The following ELMO1 variants were observed in gnomAD, a reference collection of about 807,000 sequenced individuals.
ELMO1 encodes engulfment and cell motility 1.
A neutral mutation model predicts 98.9 loss-of-function variants in ELMO1; 26 were observed. That is an observed-to-expected ratio of 0.26 (90% CI 0.19 to 0.36). ELMO1 has a LOEUF of 0.36. Among genes scored for constraint, ELMO1 ranks in the 10% least tolerant of loss-of-function variants. The pLI is 1.00. For synonymous variants in ELMO1, 346 were observed against 346.0 expected, an observed-to-expected ratio of 1.00 and a Z score of 0.00; for missense variants, 627 against 935.2, an observed-to-expected ratio of 0.67 and a Z score of 4.30.
intron 15 of ELMO1, among the ~76,000 whole-genome samples, chr7:37,078,576 C>T (rs1797705163): frequency 6.6e-6 from 1 of 152,160 alleles, no homozygotes; most frequent in Non-Finnish European, 1.5e-5. Context: ...AGTGCAAATG[C>T]TTCAGCCTTT....
At chr7:37,392,606 A>G (rs1327435597) in intron 1 of ELMO1, among the ~76,000 whole-genome samples, 1 of 152,178 alleles carries the variant, frequency 6.6e-6, no homozygotes, top group East Asian at 1.9e-4. Context: ...ATCTGCTGCC[A>G]GGTGTGAGGC....
At chr7:37,261,573 A>G (rs1795976902) in intron 5 of ELMO1, among the ~76,000 whole-genome samples, 1 of 152,066 alleles carries the variant, frequency 6.6e-6, no homozygotes, top group Non-Finnish European at 1.5e-5. Flanking sequence ...TCTCTCCGTG[A>G]TGATAGAATG....
intron 1 of ELMO1, among the ~76,000 whole-genome samples, chr7:37,418,524 G>A (rs1309277937): frequency 6.6e-6 from 1 of 152,178 alleles, no homozygotes; most frequent in African/African-American, 2.4e-5. Context: ...AACTGGATCT[G>A]CCCAGGCCCC....
intron 16 of ELMO1, among the ~76,000 whole-genome samples, chr7:36,999,056 T>C (rs886661693): frequency 3.3e-5 from 5 of 151,662 alleles, no homozygotes; most frequent in Non-Finnish European, 7.4e-5. Context: ...CCAGAGCAGG[T>C]GAGAGGGGAT....
At chr7:37,047,501 C>G (rs1795862957) in intron 15 of ELMO1, among the ~76,000 whole-genome samples, 1 of 152,244 alleles carries the variant, frequency 6.6e-6, no homozygotes, top group Non-Finnish European at 1.5e-5. Context: ...GCAGGTTCAG[C>G]TACTCCAGCG....
chr7:36,991,125 G>A (rs1357285161), intron 16 of ELMO1, among the ~76,000 whole-genome samples: 1 of 152,128 alleles, frequency 6.6e-6, no homozygotes, highest in Non-Finnish European at 1.5e-5. Context: ...AGTTTTGTTT[G>A]ATTAATTCAT....
At chr7:37,163,337 C>G (rs1211520645) in intron 13 of ELMO1, among the ~76,000 whole-genome samples, 1 of 7,036 alleles carries the variant, frequency 1.4e-4, no homozygotes, top group Admixed American at 3.2e-3. Context: ...AGCCAGTGTT[C>G]TTTTTTTTTT....
Position 36,894,841 on chromosome 7 carries a change from C to G in ELMO1, c.1601+13G>C, listed in dbSNP as rs1172557534. 6.2e-7 allele frequency: 1 copy of G among 1,613,906 alleles called. No individual in the cohort carries two copies. Among genetic ancestry groups the G allele is most frequent in the Non-Finnish European group, 8.5e-7 (1 of 1,179,958 alleles). ...GTCTTTTGGGAGATAGAAGTCAATA[C>G]TAGGTAACTTACAAAATCGGGCGGG... On this transcript the variant is annotated intron_variant, in intron 17 of 21. Coordinates refer to ENST00000310758, the MANE Select transcript of ELMO1 (RefSeq NM_014800.11).
Position 36,853,319 on chromosome 7 carries a change from CCCAA to C in ELMO1, c.*2228_*2231del. ...CCAGAAGAGAGAGGGGCTGGATCTC[CCCAA>C]CCAAGGTCACAGGACAGATACATTT... On this transcript the variant is annotated 3_prime_UTR_variant, in exon 22 of 22. Transcript: ENST00000310758. Among the ~76,000 whole-genome samples the C allele has an allele frequency of 6.6e-6, 1 of 152,242 alleles. No homozygotes were observed. Among genetic ancestry groups the C allele is most frequent in the East Asian group, 1.9e-4 (1 of 5,184 alleles).
At chr7:37,145,148 T>C (rs1787900347) in intron 13 of ELMO1, among the ~76,000 whole-genome samples, 2 of 152,242 alleles carry the variant, frequency 1.3e-5, no homozygotes, top group African/African-American at 4.8e-5. Context: ...AGGCCTGGGG[T>C]GAGGCCAAAG....
At position 37,376,286 on chromosome 7, in the gene ELMO1, C is replaced by T. The variant is rs533696986; in HGVS notation, c.-73-33523G>A. The stretch of plus-strand genomic sequence containing the variant: ...TGACATACCTGACTCCATCTTGCTT[C>T]GAACAGCCCTTCCTCATTCCTGGGC... On this transcript the variant is annotated intron_variant, in intron 1 of 21. Coordinates refer to ENST00000310758, the MANE Select transcript of ELMO1 (RefSeq NM_014800.11). Among the ~76,000 whole-genome samples, 15 of 152,248 alleles carry T rather than the reference C, an allele frequency of 9.9e-5. 1 individual carries two copies. The highest frequency in any genetic ancestry group is 2.9e-4 in the African/African-American group (12 of 41,540).
At chr7:37,207,840 AAAAC>A (rs542104398) in intron 13 of ELMO1, among the ~76,000 whole-genome samples, 15 of 152,130 alleles carry the variant, frequency 9.9e-5, no homozygotes, top group Middle Eastern at 3.2e-3. Flanking sequence ...AACTCTACCA[AAAAC>A]AAACAAACAA....
intron 15 of ELMO1, among the ~76,000 whole-genome samples, chr7:37,037,905 T>C (rs867613221): frequency 6.6e-6 from 1 of 152,138 alleles, no homozygotes; most frequent in Admixed American, 6.6e-5. Context: ...ATGGAAGTTA[T>C]GGAAAAGGTA....
intron 14 of ELMO1, among the ~76,000 whole-genome samples, chr7:37,100,591 T>C (rs1784586589): frequency 6.6e-6 from 1 of 152,238 alleles, no homozygotes; most frequent in African/African-American, 2.4e-5. Flanking sequence ...GCTCTCTCTT[T>C]TGGGGGAGAG....
chr7:37,182,636 T>C (rs1361842125), intron 13 of ELMO1, among the ~76,000 whole-genome samples: 1 of 151,724 alleles, frequency 6.6e-6, no homozygotes, highest in African/African-American at 2.4e-5. Flanking sequence ...TTTGCATTCC[T>C]GAGTTCTCTT....
intron 16 of ELMO1, among the ~76,000 whole-genome samples, chr7:36,993,662 T>C (rs142808951): frequency 1.3e-5 from 2 of 152,356 alleles, no homozygotes; most frequent in African/African-American, 2.4e-5. Flanking sequence ...AATTTTATTT[T>C]ATTGTCCAGT....
At chr7:37,331,062 C>T (rs1284900822) in intron 2 of ELMO1, among the ~76,000 whole-genome samples, 4 of 92,512 alleles carry the variant, frequency 4.3e-5, no homozygotes, top group African/African-American at 1.7e-4. Flanking sequence ...CTGAACAGTG[C>T]ACAATTTAAA....
At chr7:37,206,922 A>G (rs1792660889) in intron 13 of ELMO1, among the ~76,000 whole-genome samples, 1 of 152,172 alleles carries the variant, frequency 6.6e-6, no homozygotes, top group Non-Finnish European at 1.5e-5. Flanking sequence ...TGATTTTAAT[A>G]TCTGCTTTGA....
intron 1 of ELMO1, among the ~76,000 whole-genome samples, chr7:37,410,983 C>A (rs1471360934): frequency 1.3e-5 from 2 of 152,208 alleles, no homozygotes; most frequent in African/African-American, 2.4e-5. Context: ...GCACACCAGG[C>A]ACTCTGCTAA....
Sources: allele counts gnomAD v4.1 joint callset (sites outside exome capture counted in the v4.1 genomes callset), GRCh38; gene constraint gnomAD v4.1.1; transcripts MANE v1.5; gene names NCBI Gene and HGNC (gene_info 2026-07-23, HGNC 2026-07-21).